The following TAS2R8 variants were observed in gnomAD, a reference collection of about 807,000 sequenced individuals.
TAS2R8 encodes taste 2 receptor member 8.
For missense variants in TAS2R8, 396 were observed against 358.1 expected (o/e 1.11, Z -0.85); for synonymous variants, 139 against 123.9 (o/e 1.12, Z -0.81).
rs114977408 is a variant in TAS2R8, at chr12:10,806,152, A to G, written c.829T>C (p.Tyr277His). ...AAAATAAGTGAGTGACCCAAGGGGT[A>G]GAGAATTGCTGCAATCTCTCCAAAC... The part of the protein sequence containing the change: ...VEFGEIAAIL[Y>H]PLGHSLILIV... Residue 277 changes from tyrosine (Y) to histidine (H), a missense_variant, in exon 1 of 1, where the codon TAC becomes CAC. Physicochemically the swap from Tyr to His is moderately conservative, Grantham distance 83. Coordinates refer to ENST00000240615, the MANE Select transcript of TAS2R8 (RefSeq NM_023918.3). 788 of 1,613,556 alleles carry G rather than the reference A, an allele frequency of 4.9e-4. 4 individuals carry two copies. The African/African-American group carries it at 9.7e-3, about 20-fold the overall frequency.
At position 10,806,490 on chromosome 12, in the gene TAS2R8, T is replaced by C. The variant is rs758794884; in HGVS notation, c.491A>G (p.His164Arg). Reference protein sequence around the residue: ...CDYRFHAIAKHKRNITEMFHV... With the variant: ...CDYRFHAIAKRKRNITEMFHV... ...GAACATTTCAGTAATGTTTCTTTTA[T>C]GTTTGGCAATTGCATGAAACCTATA... Residue 164 changes from histidine (H) to arginine (R), a missense_variant, in exon 1 of 1, where the codon CAT becomes CGT. Transcript: ENST00000240615. The C allele has an allele frequency of 8.1e-6, 13 of 1,613,894 alleles. No individual in the cohort carries two copies. The highest frequency in any genetic ancestry group is 1.1e-5 in the Non-Finnish European group (13 of 1,179,910).
chr12:10,806,780 A>T lies in TAS2R8; in HGVS notation c.201T>A (p.Ile67=), dbSNP rs751056824. 3 of 1,613,936 alleles carry T rather than the reference A, an allele frequency of 1.9e-6. No individual in the cohort carries two copies. In the South Asian group the frequency reaches 3.3e-5, roughly 18 times the overall value. Residue 67 remains isoleucine (I), a synonymous_variant, in exon 1 of 1, where the codon ATT becomes ATA. Transcript: ENST00000240615. ...AAACATCTGGGTTCAGTACTATTAC[A>T]ATGCCATTTACAACCATTACACTGA... ...CLISVMVVNG[I]VIVLNPDVYT...
rs755278714 is a variant in TAS2R8, at chr12:10,806,413, C to A, written c.568G>T (p.Ala190Ser). The A allele has an allele frequency of 7.4e-5, 120 of 1,613,582 alleles. No homozygotes were observed. The highest frequency in any genetic ancestry group is 9.8e-5 in the Non-Finnish European group (116 of 1,179,842). ...FEPLTLFNLF[A>S]IVPFIVSLIS... is the part of the protein sequence containing the mutation. ...AGTGACACAATAAATGGGACAATTGCAAACAGGTTAAAGAGAGTCAAGGGT... is the reference window on the plus strand; with the variant it reads ...AGTGACACAATAAATGGGACAATTGAAAACAGGTTAAAGAGAGTCAAGGGT... Residue 190 changes from alanine to serine, a missense_variant, in exon 1 of 1, where the codon GCA (alanine) becomes TCA (serine). By Grantham distance (99) the Ala-to-Ser change is moderately conservative. Transcript: ENST00000240615.
the TAS2R8 span, chr12:10,806,744 A>AT: frequency 1.2e-6 from 2 of 1,613,892 alleles, no homozygotes; most frequent in South Asian, 1.1e-5. Context: ...TCTGTTGTTT[A>AT]TTTTTTGTAT....
Position 10,806,796 on chromosome 12 carries a change from A to G in TAS2R8, c.185T>C (p.Met62Thr). Residue 62 changes from methionine (M) to threonine (T), a missense_variant, in exon 1 of 1, where the codon ATG becomes ACG. Transcript: ENST00000240615. ...VIARICLISV[M>T]VVNGIVIVLN... ...TACTATTACAATGCCATTTACAACC[A>G]TTACACTGATCAAACAAATTCTGGC... 3.7e-6 allele frequency: 6 copies of G among 1,613,952 alleles called. No homozygotes were observed. Among genetic ancestry groups the G allele is most frequent in the South Asian group, 1.1e-5 (1 of 91,078 alleles).
Position 10,806,297 on chromosome 12 carries a change from T to G in TAS2R8, c.684A>C (p.Glu228Asp), listed in dbSNP as rs143804727. 0.019 allele frequency: 29,854 copies of G among 1,613,692 alleles called. 370 individuals are homozygous for G. The highest frequency in any genetic ancestry group is 0.033 in the Middle Eastern group (198 of 6,056). ...TAGTTTTAATGGCTCTCACATGAAC[T>G]TCTGTGCTGGGGTCTCTACTGCCGG... ...YATGSRDPSTEVHVRAIKTMT... is the reference protein window; with the variant it reads ...YATGSRDPSTDVHVRAIKTMT... Residue 228 changes from glutamate to aspartate, a missense_variant, in exon 1 of 1, where the codon GAA (glutamate) becomes GAC (aspartate). Transcript: ENST00000240615.
rs769997267 is a variant in TAS2R8 at position 10,806,102 on chromosome 12, C to T, written c.879G>A (p.Arg293=). The change falls in exon 1 of 1, where the codon AGG becomes AGA. Residue 293 remains arginine, a synonymous_variant. Transcript: ENST00000240615. ...ATGTCAGCATTCTGACAAATGTCTG[C>T]CTCAGTTTATTATTTAAAACAATTA... The part of the protein sequence containing the change: ...LILIVLNNKL[R]QTFVRMLTCR... 25 of 1,608,964 alleles carry T rather than the reference C, an allele frequency of 1.6e-5. No individual in the cohort carries two copies. The Admixed American group carries it at 4.1e-4, about 26-fold the overall frequency.
Position 10,806,164 on chromosome 12 carries a change from C to T in TAS2R8, c.817G>A (p.Ala273Thr), listed in dbSNP as rs1476665446. 9.3e-6 allele frequency: 15 copies of T among 1,613,254 alleles called. No homozygotes were observed. The highest frequency in any genetic ancestry group is 1.3e-5 in the Non-Finnish European group (15 of 1,179,734). Residue 273 changes from alanine to threonine, a missense_variant, in exon 1 of 1, where the codon GCA becomes ACA. By Grantham distance (58) the Ala-to-Thr change is moderately conservative (BLOSUM62 0). Transcript: ENST00000240615. ...YKLAVEFGEIAAILYPLGHSL... is the reference protein window; with the variant it reads ...YKLAVEFGEITAILYPLGHSL... ...TGACCCAAGGGGTAGAGAATTGCTGCAATCTCTCCAAACTCCACAGCTAAC... is the reference window on the plus strand; with the variant it reads ...TGACCCAAGGGGTAGAGAATTGCTGTAATCTCTCCAAACTCCACAGCTAAC...
At chr12:10,806,563 TG>T in the TAS2R8 span, 7 of 1,613,844 alleles carry the variant, frequency 4.3e-6, no homozygotes, top group African/African-American at 2.7e-5. Flanking sequence ...AACAAGGAAA[TG>T]GCAAAGCATC....
In TAS2R8 at chr12:10,806,765, G is replaced by C. The variant is rs552836587; in HGVS notation, c.216C>G (p.Asn72Lys). ...MVVNGIVIVL[N>K]PDVYTKNKQQ... The stretch of plus-strand genomic sequence containing the variant: ...GTTTATTTTTTGTATAAACATCTGG[G>C]TTCAGTACTATTACAATGCCATTTA... The change falls in exon 1 of 1, where the codon AAC (asparagine) becomes AAG (lysine). Residue 72 changes from asparagine (N) to lysine (K), a missense_variant. Transcript: ENST00000240615. The C allele has an allele frequency of 3.1e-6, 5 of 1,613,864 alleles. No individual in the cohort carries two copies. The African/African-American group carries it at 5.3e-5, about 17-fold the overall frequency.
rs577709484 is a variant in TAS2R8, at chr12:10,806,920, T to C, written c.61A>G (p.Ile21Val). ...AGTGCAATGTATCCATTCCCCAATA[T>C]TCCTAGTATGAATTCTCCAGTTATT... ...ILITGEFILG[I>V]LGNGYIALVN... Residue 21 changes from isoleucine to valine, a missense_variant, in exon 1 of 1, where the codon ATA becomes GTA. Physicochemically the swap from Ile to Val is conservative, Grantham distance 29. Coordinates refer to ENST00000240615, the MANE Select transcript of TAS2R8 (RefSeq NM_023918.3). The C allele has an allele frequency of 1.2e-6, 2 of 1,612,452 alleles. No homozygotes were observed. The highest frequency in any genetic ancestry group is 1.1e-5 in the South Asian group (1 of 91,006).
rs775620451 is a variant in TAS2R8, at chr12:10,806,676, C to T, written c.305G>A (p.Cys102Tyr). Residue 102 changes from cysteine to tyrosine, a missense_variant, in exon 1 of 1, where the codon TGC (cysteine) becomes TAC (tyrosine). Cys to Tyr is a radical substitution (Grantham distance 194, BLOSUM62 -2). Coordinates refer to ENST00000240615, the MANE Select transcript of TAS2R8 (RefSeq NM_023918.3). ...ANYLNMWITT[C>Y]LNVFYFLKIA... is the part of the protein sequence containing the mutation. ...CTTCAGAAAATAGAAGACATTAAGG[C>T]AGGTGGTAATCCACATATTTAAGTA... 6 of 1,613,880 alleles carry T rather than the reference C, an allele frequency of 3.7e-6. 1 individual carries two copies. In the Admixed American group the frequency reaches 5.0e-5, roughly 13 times the overall value.
rs1329814470 is a variant in TAS2R8 at position 10,806,650 on chromosome 12, T to C, written c.331A>G (p.Ile111Val). The C allele has an allele frequency of 6.2e-7, 1 of 1,613,986 alleles. No individual in the cohort carries two copies. Among genetic ancestry groups the C allele is most frequent in the South Asian group, 1.1e-5 (1 of 91,084 alleles). Residue 111 changes from isoleucine (I) to valine (V), a missense_variant, in exon 1 of 1, where the codon ATA becomes GTA. Transcript: ENST00000240615. ...TCLNVFYFLK[I>V]ASSSHPLFLW... The stretch of plus-strand genomic sequence containing the variant: ...AAAAGTGGATGAGAGGAACTGGCTA[T>C]CTTCAGAAAATAGAAGACATTAAGG...
Position 10,806,822 on chromosome 12 carries a change from G to T in TAS2R8, c.159C>A (p.Ile53=). 6.2e-7 allele frequency: 1 copy of T among 1,613,826 alleles called. No homozygotes were observed. Among genetic ancestry groups the T allele is most frequent in the Non-Finnish European group, 8.5e-7 (1 of 1,179,862 alleles). ...TVDYILTNLV[I]ARICLISVMV... ...TTACACTGATCAAACAAATTCTGGC[G>T]ATAACTAAATTGGTAAGGATGTAGT... Residue 53 remains isoleucine (I), a synonymous_variant, in exon 1 of 1, where the codon ATC becomes ATA. Transcript: ENST00000240615.
rs1303699028 is a variant in TAS2R8 at position 10,806,888 on chromosome 12, G to A, written c.93C>T (p.Asn31=). The A allele has an allele frequency of 6.2e-7, 1 of 1,612,878 alleles. No individual in the cohort carries two copies. The highest frequency in any genetic ancestry group is 1.1e-5 in the South Asian group (1 of 91,058). The part of the protein sequence containing the change: ...ILGNGYIALV[N]WIDWIKKKKI... ...TTTTCTTCTTAATCCAGTCAATCCA[G>A]TTGACTAGTGCAATGTATCCATTCC... The change falls in exon 1 of 1, where the codon AAC becomes AAT. Residue 31 remains asparagine (N), a synonymous_variant. Coordinates refer to ENST00000240615, the MANE Select transcript of TAS2R8 (RefSeq NM_023918.3).
chr12:10,806,693 A>G lies in TAS2R8; in HGVS notation c.288T>C (p.Asn96=). 1.2e-6 allele frequency: 2 copies of G among 1,614,004 alleles called. No individual in the cohort carries two copies. Among genetic ancestry groups the G allele is most frequent in the East Asian group, 4.5e-5 (2 of 44,870 alleles). The part of the protein sequence containing the change: ...FTFWTFANYL[N]MWITTCLNVF... The stretch of plus-strand genomic sequence containing the variant: ...CATTAAGGCAGGTGGTAATCCACAT[A>G]TTTAAGTAGTTGGCAAATGTCCAGA... Residue 96 remains asparagine, a synonymous_variant, in exon 1 of 1, where the codon AAT becomes AAC. Transcript: ENST00000240615.
Position 10,807,006 on chromosome 12 carries a change from CA to C in TAS2R8, c.-27del. The stretch of plus-strand genomic sequence containing the variant: ...GTTTGTAGAGAGAACAATCTGATTT[CA>C]AATATCACTGTAGATGAGCTAATTT... On this transcript the variant is annotated 5_prime_UTR_variant, in exon 1 of 1. Transcript: ENST00000240615. 1 of 1,540,100 alleles carries C rather than the reference CA, an allele frequency of 6.5e-7. No homozygotes were observed. Among genetic ancestry groups the C allele is most frequent in the Non-Finnish European group, 8.8e-7 (1 of 1,139,926 alleles).
In TAS2R8 at chr12:10,806,574, C is replaced by A; in HGVS notation, c.407G>T (p.Gly136Val). The change falls in exon 1 of 1, where the codon GGA (glycine) becomes GTA (valine). Residue 136 changes from glycine (G) to valine (V), a missense_variant. Coordinates refer to ENST00000240615, the MANE Select transcript of TAS2R8 (RefSeq NM_023918.3). Reference sequence around the variant, plus strand: ...GACCAACAAGGAAATGGCAAAGCATCCCAGCAGGATCCAGTGCACCACCAT... The same window carrying A: ...GACCAACAAGGAAATGGCAAAGCATACCAGCAGGATCCAGTGCACCACCAT... ...IDMVVHWILLGCFAISLLVSL... is the reference protein window; with the variant it reads ...IDMVVHWILLVCFAISLLVSL... 6.2e-7 allele frequency: 1 copy of A among 1,613,834 alleles called. No individual in the cohort carries two copies. Among genetic ancestry groups the A allele is most frequent in the Non-Finnish European group, 8.5e-7 (1 of 1,179,904 alleles).
rs555644541 is a variant in TAS2R8, at chr12:10,807,158, T to C, written c.-178A>G. The C allele has an allele frequency of 1.7e-6, 1 of 579,552 alleles. No individual in the cohort carries two copies. Among genetic ancestry groups the C allele is most frequent in the African/African-American group, 1.9e-5 (1 of 53,176 alleles). The allele number at this position is 579,552 out of a possible 1,614,324, so 35.9% of individuals were successfully genotyped here. A position where few individuals can be genotyped will look rare whatever the true frequency, so the allele number is the denominator to read the frequency against. ...AGCTCTCCTCTGAAATAGGATTGTCTCTACACTCCTGAAGATGAAACCAAC... is the reference window on the plus strand; with the variant it reads ...AGCTCTCCTCTGAAATAGGATTGTCCCTACACTCCTGAAGATGAAACCAAC... On this transcript the variant is annotated 5_prime_UTR_variant, in exon 1 of 1. Transcript: ENST00000240615.
Sources: gnomAD v4.1 joint callset for allele counts on GRCh38, gnomAD v4.1.1 for gene constraint, MANE v1.5 for transcripts, NCBI Gene and HGNC (gene_info 2026-07-23, HGNC 2026-07-21) for gene names.